The following LRP1B variants were observed in gnomAD, a reference collection of about 807,000 sequenced individuals.
The protein encoded by LRP1B is low-density lipoprotein receptor-related protein 1B.
LRP1B carries 217 observed loss-of-function variants against 556.6 expected under a neutral mutation model. The ratio of observed to expected loss-of-function variants is 0.39; its 90% CI spans 0.35 to 0.44. The LOEUF is 0.44. Among genes scored for constraint, LRP1B ranks in the 20% least tolerant of loss-of-function variants. The pLI, the probability that LRP1B is intolerant of heterozygous loss-of-function variation, is 1.00. For missense variants in LRP1B, 5,053 were observed against 5,620.8 expected (o/e 0.90, Z 3.23); for synonymous variants, 2,047 against 1,865.8 (o/e 1.10, Z -2.50).
intron 14 of LRP1B, among the ~76,000 whole-genome samples, chr2:141,008,306 G>A (rs540804880): frequency 3.7e-4 from 56 of 151,066 alleles, no homozygotes; most frequent in East Asian, 1.6e-3. Context: ...TACAAGGAAG[G>A]TTTTATCTCA....
At chr2:141,967,325 T>A (rs1454966553) in intron 1 of LRP1B, among the ~76,000 whole-genome samples, 1 of 151,872 alleles carries the variant, frequency 6.6e-6, no homozygotes, top group East Asian at 1.9e-4. Flanking sequence ...AGGAATAAAT[T>A]ATAATGCTAT....
At chr2:141,690,396 A>AATAAATAAATAAATAAATAT (rs5834858) in intron 2 of LRP1B, among the ~76,000 whole-genome samples, 2 of 26,922 alleles carry the variant, frequency 7.4e-5, no homozygotes, top group East Asian at 1.1e-3. Context: ...TACATCTATA[A>AATAAATAAATAAATAAATAT]ATATATATAT....
intron 1 of LRP1B, among the ~76,000 whole-genome samples, chr2:142,128,840 C>T (rs184243190): frequency 1.3e-5 from 2 of 152,196 alleles, no homozygotes; most frequent in East Asian, 3.9e-4. Flanking sequence ...AAATATAATC[C>T]TCTTAGTTAT....
At chr2:140,852,184 G>A (rs546395581) in intron 27 of LRP1B, among the ~76,000 whole-genome samples, 22 of 152,182 alleles carry the variant, frequency 1.4e-4, no homozygotes, top group African/African-American at 3.9e-4. Context: ...AAAATTTGCC[G>A]AGCGTGGTGA....
At chr2:141,419,603 T>C (rs1680064025) in intron 3 of LRP1B, among the ~76,000 whole-genome samples, 1 of 152,162 alleles carries the variant, frequency 6.6e-6, no homozygotes, top group Non-Finnish European at 1.5e-5. Flanking sequence ...TCCATTTCTG[T>C]AACAATCTGT....
At chr2:140,830,274 T>C (rs1211092141) in intron 31 of LRP1B, among the ~76,000 whole-genome samples, 4 of 151,992 alleles carry the variant, frequency 2.6e-5, no homozygotes, top group African/African-American at 9.7e-5. Context: ...GGCCAGCATT[T>C]CCCTGATGTT....
intron 3 of LRP1B, among the ~76,000 whole-genome samples, chr2:141,455,448 C>G (rs181358685): frequency 6.6e-6 from 1 of 152,074 alleles, no homozygotes; most frequent in Non-Finnish European, 1.5e-5. Context: ...CAGGAAAACT[C>G]GAGCCTGTGC....
chr2:141,914,969 A>G (rs1699993562), intron 1 of LRP1B, among the ~76,000 whole-genome samples: 1 of 152,180 alleles, frequency 6.6e-6, no homozygotes, highest in African/African-American at 2.4e-5. Context: ...CAAACTACCA[A>G]TATCATTTTT....
chr2:140,692,190 T>C (rs1252184170), intron 41 of LRP1B, among the ~76,000 whole-genome samples: 1 of 152,184 alleles, frequency 6.6e-6, no homozygotes, highest in Non-Finnish European at 1.5e-5. Flanking sequence ...ATTACTATGT[T>C]ATTTCAAAAA....
At chr2:141,971,055 G>T (rs1398349624) in intron 1 of LRP1B, among the ~76,000 whole-genome samples, 1 of 151,452 alleles carries the variant, frequency 6.6e-6, no homozygotes, top group African/African-American at 2.4e-5. Flanking sequence ...GCTAGGATTA[G>T]CAAGCCTTAG....
intron 20 of LRP1B, among the ~76,000 whole-genome samples, chr2:140,949,584 C>CT (rs11362098): frequency 4.0e-5 from 6 of 151,378 alleles, no homozygotes; most frequent in African/African-American, 1.5e-4. Flanking sequence ...TTATTCCTTT[C>CT]TTTTTTTTTT....
chr2:140,447,235 T>C (rs1686700448), intron 63 of LRP1B, among the ~76,000 whole-genome samples: 1 of 152,078 alleles, frequency 6.6e-6, no homozygotes, highest in African/African-American at 2.4e-5. Flanking sequence ...TACAGCTATT[T>C]TGGGTAACAG....
chr2:141,539,639 A>C (rs138096330), intron 2 of LRP1B, among the ~76,000 whole-genome samples: 439 of 152,214 alleles, frequency 2.9e-3, no homozygotes, highest in African/African-American at 9.7e-3. Flanking sequence ...AGTTTGCACA[A>C]CTTCCTTGAA....
At position 140,323,895 on chromosome 2, in the gene LRP1B, T is replaced by A. The variant is rs2105058875; in HGVS notation, c.12512A>T (p.Asp4171Val). The change falls in exon 81 of 91, where the codon GAT becomes GTT. Residue 4171 changes from aspartate (D) to valine (V), a missense_variant and splice_region_variant. By Grantham distance (152) the Asp-to-Val change is radical. Transcript: ENST00000389484. ...VLISHRYKQL[D>V]LPNPCLDLAC... ...ACTTCATAATATATTATACTTACAA[T>A]CTAGTTGTTTATAACGATGAGATAT... 5 of 1,422,272 alleles carry A rather than the reference T, an allele frequency of 3.5e-6. No homozygotes were observed. The highest frequency in any genetic ancestry group is 5.0e-6 in the Non-Finnish European group (5 of 1,009,350). The allele number at this position is 1,422,272 out of a possible 1,614,324, so 88.1% of individuals were successfully genotyped here.
intron 22 of LRP1B, among the ~76,000 whole-genome samples, chr2:140,906,652 AGTCT>A (rs1694262453): frequency 6.6e-6 from 1 of 152,094 alleles, no homozygotes; most frequent in Non-Finnish European, 1.5e-5. Context: ...AGCTTGTTGA[AGTCT>A]AGTTTTTCCA....
At chr2:140,707,341 T>A (rs555607593) in intron 37 of LRP1B, among the ~76,000 whole-genome samples, 2 of 152,240 alleles carry the variant, frequency 1.3e-5, no homozygotes, top group Admixed American at 1.3e-4. Flanking sequence ...ATCGAGAATG[T>A]CATTGTGTCG....
intron 6 of LRP1B, among the ~76,000 whole-genome samples, chr2:141,196,459 C>T (rs1681754947): frequency 6.6e-6 from 1 of 152,030 alleles, no homozygotes; most frequent in African/African-American, 2.4e-5. Flanking sequence ...CCCTCATCCT[C>T]CCACAATCTA....
At chr2:141,092,694 A>G (rs1034545552) in intron 7 of LRP1B, among the ~76,000 whole-genome samples, 8 of 152,234 alleles carry the variant, frequency 5.3e-5, no homozygotes, top group African/African-American at 1.9e-4. Context: ...CTAATGAGAT[A>G]GAAACAGGGC....
intron 1 of LRP1B, among the ~76,000 whole-genome samples, chr2:142,044,488 G>T (rs1704185982): frequency 6.6e-6 from 1 of 151,748 alleles, no homozygotes; most frequent in Non-Finnish European, 1.5e-5. Context: ...TGAGCGCACA[G>T]TAGGCATCTG....
Sources: allele counts gnomAD v4.1 joint callset (sites outside exome capture counted in the v4.1 genomes callset), GRCh38; gene constraint gnomAD v4.1.1; transcripts MANE v1.5; gene names NCBI Gene and HGNC (gene_info 2026-07-23, HGNC 2026-07-21).